Variants in DNMT1 observed in about 807,000 individuals in gnomAD.
DNMT1 encodes the protein DNA (cytosine-5)-methyltransferase 1.
DNMT1 carries 24 observed loss-of-function variants against 205.3 expected under a neutral mutation model. The observed-to-expected ratio is 0.12, with a 90% CI of 0.08 to 0.16. The LOEUF is 0.16. Ranked by LOEUF, DNMT1 falls within the 10% of genes least tolerant of loss-of-function variation. DNMT1 has a pLI of 1.00. For missense variants in DNMT1, 1,293 were observed against 2,177.7 expected (o/e 0.59, Z 8.09); for synonymous variants, 817 against 839.8 (o/e 0.97, Z 0.47).
At chr19:10,160,811 C>T (rs943221669) in intron 13 of DNMT1, among the ~76,000 whole-genome samples, 4 of 152,096 alleles carry the variant, frequency 2.6e-5, no homozygotes, top group Non-Finnish European at 4.4e-5. Flanking sequence ...TGCTTGAACC[C>T]GAGACGTAGA....
chr19:10,175,343 T>C (rs778370137), intron 7 of DNMT1, among the ~76,000 whole-genome samples, 197 bp downstream of exon 7: 8 of 152,114 alleles, frequency 5.3e-5, no homozygotes, highest in Non-Finnish European at 1.2e-4. Context: ...TATATATATA[T>C]ACATACACGT....
Position 10,151,182 on chromosome 19 carries a change from G to T in DNMT1, c.2265+216C>A, listed in dbSNP as rs1049678681. On this transcript the variant is annotated intron_variant, in intron 24 of 40. Coordinates refer to ENST00000359526, the MANE Select transcript of DNMT1 (RefSeq NM_001130823.3). This position sits in a 1 kb window ranked among gnomAD's most constrained non-coding sequence, Gnocchi z 5.0. ...GTCAAATGCCCATTTTGGGACATTA[G>T]GAGAACTGAGCCTTGTGGCCACACA... 6.6e-6 allele frequency among the ~76,000 whole-genome samples: 1 copy of T among 152,198 alleles called. No homozygotes were observed. Among genetic ancestry groups the T allele is most frequent in the African/African-American group, 2.4e-5 (1 of 41,442 alleles).
chr19:10,154,325 C>T lies in DNMT1; in HGVS notation c.1987G>A (p.Ala663Thr), dbSNP rs146467216. 3.5e-5 allele frequency: 57 copies of T among 1,614,114 alleles called. No individual in the cohort carries two copies. Among genetic ancestry groups the T allele is most frequent in the Admixed American group, 5.0e-5 (3 of 60,010 alleles). The part of the protein sequence containing the change: ...EKDDREDKEN[A>T]FKRRRCGVCE... ...ACGCCACATCGCCGGCGCTTAAAGG[C>T]GTTCTCCTTGTCTTCTCTGTCATCC... Residue 663 changes from alanine (A) to threonine (T), a missense_variant, in exon 22 of 41, where the codon GCC (alanine) becomes ACC (threonine). Around this residue, in one of 13 missense-constraint regions of DNMT1, gnomAD observed 197 missense variants for 353.6 expected, o/e 0.56. Coordinates refer to ENST00000359526, the MANE Select transcript of DNMT1 (RefSeq NM_001130823.3). The surrounding 1 kb of genome is among the most constrained non-coding windows in gnomAD (Gnocchi z 6.3).
Position 10,137,324 on chromosome 19 carries a change from C to A in DNMT1, c.4294-44G>T. ...CCCAGCTGTCACCTCATGTGAGCAG[C>A]ATCCGAGCATCCATGGTGGGCTGGG... On this transcript the variant is annotated intron_variant, in intron 36 of 40. Coordinates refer to ENST00000359526, the MANE Select transcript of DNMT1 (RefSeq NM_001130823.3). This position sits in a 1 kb window ranked among gnomAD's most constrained non-coding sequence, Gnocchi z 6.4. 6.4e-7 allele frequency: 1 copy of A among 1,562,702 alleles called. No homozygotes were observed. Among genetic ancestry groups the A allele is most frequent in the Non-Finnish European group, 8.7e-7 (1 of 1,155,514 alleles).
chr19:10,141,850 G>A (rs2089606410), intron 30 of DNMT1, 178 bp downstream of exon 30: 2 of 665,898 alleles, frequency 3.0e-6, no homozygotes, highest in Non-Finnish European at 5.0e-6. Flanking sequence ...TTGTGCTCTG[G>A]AGAACCCTGC....
chr19:10,138,344 T>C lies in DNMT1; in HGVS notation c.4115+95A>G. ...TGGCAGGGCAGATGCTGTACCATCC[T>C]CTCCTCCCCAAGCCTCACCAGGGAG... On this transcript the variant is annotated intron_variant, in intron 35 of 40. Transcript: ENST00000359526. This position sits in a 1 kb window ranked among gnomAD's most constrained non-coding sequence, Gnocchi z 4.1. The C allele has an allele frequency of 2.5e-6, 4 of 1,585,436 alleles. No individual in the cohort carries two copies. The highest frequency in any genetic ancestry group is 3.4e-6 in the Non-Finnish European group (4 of 1,162,898).
At chr19:10,182,964 C>T (rs1347849250) in intron 1 of DNMT1, among the ~76,000 whole-genome samples, 1 of 148,228 alleles carries the variant, frequency 6.7e-6, no homozygotes, top group Admixed American at 6.7e-5. Context: ...CCATGTCTGG[C>T]ATGCATATAT....
chr19:10,148,632 A>G (rs2038259183), intron 27 of DNMT1, among the ~76,000 whole-genome samples: 1 of 152,216 alleles, frequency 6.6e-6, no homozygotes, highest in African/African-American at 2.4e-5. Flanking sequence ...GAAGTCTTGA[A>G]ATGGCAAGAC....
At chr19:10,181,552 G>A (rs1438353776) in intron 2 of DNMT1, among the ~76,000 whole-genome samples, 2 of 151,100 alleles carry the variant, frequency 1.3e-5, no homozygotes, top group East Asian at 3.9e-4. Flanking sequence ...AAAAACCTGG[G>A]CCAGGCATGG....
Position 10,135,723 on chromosome 19 carries a change from C to G in DNMT1, c.4773+13G>C, listed in dbSNP as rs752304202. 5.0e-6 allele frequency: 8 copies of G among 1,604,810 alleles called. No individual in the cohort carries two copies. In the South Asian group the frequency reaches 7.8e-5, roughly 16 times the overall value. The stretch of plus-strand genomic sequence containing the variant: ...CCTTCCTGTCCAGACCCAGCGGGCG[C>G]CGCCCCACTGACCTGCCGGTGCTTG... On this transcript the variant is annotated intron_variant, in intron 39 of 40. Transcript: ENST00000359526.
intron 1 of DNMT1, among the ~76,000 whole-genome samples, chr19:10,193,665 CAA>C (rs35583463): frequency 6.6e-4 from 70 of 106,062 alleles, no homozygotes; most frequent in Admixed American, 2.3e-3. Context: ...ACCCAGCCTT[CAA>C]AAAAAAAAAA....
intron 6 of DNMT1, among the ~76,000 whole-genome samples, chr19:10,176,478 C>T (rs373942420): frequency 4.5e-4 from 68 of 152,320 alleles, no homozygotes; most frequent in African/African-American, 1.3e-3. Context: ...AAGGGAAAAA[C>T]GTAAATACCA....
At chr19:10,174,005 G>A in intron 7 of DNMT1, 100 bp from the exon 8 acceptor site, 2 of 1,209,020 alleles carry the variant, frequency 1.7e-6, no homozygotes, top group Admixed American at 3.4e-5. Context: ...ATTTGACATG[G>A]TTAGAGCAAG....
chr19:10,184,816 C>A (rs114936087), intron 1 of DNMT1, among the ~76,000 whole-genome samples: 56 of 152,312 alleles, frequency 3.7e-4, no homozygotes, highest in African/African-American at 1.3e-3. Context: ...AGGGACCAGG[C>A]CACTGCCATC....
In DNMT1 at chr19:10,154,473, G is replaced by C. The variant is rs2038413698; in HGVS notation, c.1839C>G (p.Ala613=). The C allele has an allele frequency of 3.7e-6, 6 of 1,614,164 alleles. No individual in the cohort carries two copies. Among genetic ancestry groups the C allele is most frequent in the Non-Finnish European group, 5.1e-6 (6 of 1,180,030 alleles). ...LAGVTLGQRR[A]QARRQTIRHS... ...GCCTGATGGTCTGCCGCCTCGCCTG[G>C]GCTCGCCTACGGGAGAGGTTCCAGC... Residue 613 remains alanine, a synonymous_variant, in exon 22 of 41, where the codon GCC becomes GCG. Coordinates refer to ENST00000359526, the MANE Select transcript of DNMT1 (RefSeq NM_001130823.3). This position sits in a 1 kb window ranked among gnomAD's most constrained non-coding sequence, Gnocchi z 6.3.
In DNMT1 at chr19:10,135,477, C is replaced by A; in HGVS notation, c.4773+259G>T. ...TCGCCACCATGGGTTTTAGCCTGCT[C>A]CTTTAGCGCGACGGACTGTCCTTCT... On this transcript the variant is annotated intron_variant, in intron 39 of 40. Coordinates refer to ENST00000359526, the MANE Select transcript of DNMT1 (RefSeq NM_001130823.3). 5.7e-6 allele frequency: 3 copies of A among 525,658 alleles called. No homozygotes were observed. The South Asian group carries it at 6.0e-5, about 10-fold the overall frequency. The allele number at this position is 525,658 out of a possible 1,614,324, so 32.6% of individuals were successfully genotyped here. A position where few individuals can be genotyped will look rare whatever the true frequency, so the allele number is the denominator to read the frequency against.
chr19:10,158,603 T>C (rs191106380), intron 17 of DNMT1, among the ~76,000 whole-genome samples: 1 of 152,164 alleles, frequency 6.6e-6, no homozygotes, highest in Admixed American at 6.5e-5. Context: ...GGGAGCAAAA[T>C]GGGGCTGGGG....
intron 11 of DNMT1, among the ~76,000 whole-genome samples, chr19:10,164,913 TAAAAAAAAAAAAAAAAAAAAAA>T (rs535161745): frequency 2.1e-3 from 70 of 34,042 alleles, no homozygotes; most frequent in African/African-American, 4.3e-3. Context: ...GAGACTATCT[TAAAAAAAAAAAAAAAAAAAAAA>T]AAAAAAAAAA....
chr19:10,162,645 G>C, intron 13 of DNMT1, 22 bp downstream of exon 13: 1 of 1,288,154 alleles, frequency 7.8e-7, no homozygotes, highest in Admixed American at 2.0e-5. Flanking sequence ...AAAAAAGAAA[G>C]AAAGAAAAGT....
Sources: allele counts gnomAD v4.1 joint callset (sites outside exome capture counted in the v4.1 genomes callset), GRCh38; gene constraint gnomAD v4.1.1; regional missense constraint gnomAD v4.1.1; non-coding constraint Gnocchi (gnomAD v3.1); transcripts MANE v1.5; gene names NCBI Gene and HGNC (gene_info 2026-07-23, HGNC 2026-07-21).